ARHGEF10L: variants seen among roughly 807,000 people sequenced by gnomAD.
ARHGEF10L encodes the protein rho guanine nucleotide exchange factor 10-like protein.
Under a neutral mutation model 141.2 loss-of-function variants are expected in ARHGEF10L, and 69 were observed. The observed-to-expected ratio is 0.49, with a 90% CI of 0.40 to 0.60. ARHGEF10L has a LOEUF of 0.60. ARHGEF10L is among the 20% of genes least tolerant of loss of function. ARHGEF10L has a pLI of 0.00. For missense variants in ARHGEF10L, 1,482 were observed against 1,734.3 expected (o/e 0.85, Z 2.58); for synonymous variants, 711 against 718.5 (o/e 0.99, Z 0.17).
At chr1:17,655,309 C>T (rs2062160040) in intron 23 of ARHGEF10L, among the ~76,000 whole-genome samples, 1 of 151,658 alleles carries the variant, frequency 6.6e-6, no homozygotes, top group South Asian at 2.1e-4. Flanking sequence ...CACCCACCTA[C>T]CTATCCATTT....
chr1:17,645,918 G>A (rs2061571107), intron 21 of ARHGEF10L, among the ~76,000 whole-genome samples: 1 of 152,210 alleles, frequency 6.6e-6, no homozygotes, highest in Non-Finnish European at 1.5e-5. Context: ...GTCTGTTATG[G>A]CAACGCGCGT....
intron 1 of ARHGEF10L, among the ~76,000 whole-genome samples, chr1:17,579,002 G>A (rs1279798447): frequency 1.3e-5 from 2 of 152,116 alleles, no homozygotes; most frequent in Non-Finnish European, 2.9e-5. Context: ...GGCAACCAGG[G>A]TGGGAGGTTG....
intron 21 of ARHGEF10L, among the ~76,000 whole-genome samples, chr1:17,643,426 C>T (rs72648446): frequency 0.088 from 13,421 of 152,190 alleles, 877 homozygotes; most frequent in Non-Finnish European, 0.13. Context: ...ATGGCCACCA[C>T]CACGCCTTGT....
In ARHGEF10L at chr1:17,543,225, C is replaced by A. The variant is rs556146676; in HGVS notation, c.-44+3275C>A. On this transcript the variant is annotated intron_variant, in intron 1 of 28. Transcript: ENST00000361221. ...TGAGTTGGGAGCCAGCTCACACCTACACATAAGAGCTGATTGCTAAATTTT... is the reference window on the plus strand; with the variant it reads ...TGAGTTGGGAGCCAGCTCACACCTAAACATAAGAGCTGATTGCTAAATTTT... 2.6e-4 allele frequency among the ~76,000 whole-genome samples: 40 copies of A among 152,286 alleles called. 1 individual carries two copies. In the South Asian group the frequency reaches 8.3e-3, roughly 32 times the overall value.
At chr1:17,577,476 T>C (rs1051174780) in intron 1 of ARHGEF10L, among the ~76,000 whole-genome samples, 1 of 152,224 alleles carries the variant, frequency 6.6e-6, no homozygotes, top group Non-Finnish European at 1.5e-5. Flanking sequence ...AACTCTTTTC[T>C]AACCCCGTGA....
At chr1:17,638,534 G>C (rs1240160382) in intron 19 of ARHGEF10L, 28 bp from the exon 20 acceptor site, 3 of 1,614,034 alleles carry the variant, frequency 1.9e-6, no homozygotes, top group African/African-American at 2.7e-5. Context: ...GTGCTGTGTG[G>C]TGACCTCATT....
chr1:17,646,874 C>A (rs527883544), intron 21 of ARHGEF10L, among the ~76,000 whole-genome samples: 112 of 152,090 alleles, frequency 7.4e-4, no homozygotes, highest in African/African-American at 2.6e-3. Flanking sequence ...AGGGAAGGGA[C>A]CTTCGCAGCT....
At position 17,639,328 on chromosome 1, in the gene ARHGEF10L, C is replaced by T. The variant is rs923500559; in HGVS notation, c.2171+639C>T. ...GTCCTGATGAGGTCTGACTCTGAAG[C>T]CCAGGCCAGTGCAATGAGGGGGCTC... On this transcript the variant is annotated intron_variant, in intron 20 of 28. Transcript: ENST00000361221. The surrounding 1 kb of genome is among the most constrained non-coding windows in gnomAD (Gnocchi z 4.3). Among the ~76,000 whole-genome samples the T allele has an allele frequency of 6.6e-6, 1 of 152,342 alleles. No individual in the cohort carries two copies. The highest frequency in any genetic ancestry group is 3.4e-3 in the Middle Eastern group (1 of 294).
Position 17,623,846 on chromosome 1 carries a change from C to T in ARHGEF10L, c.1201-541C>T, listed in dbSNP as rs140796410. On this transcript the variant is annotated intron_variant, in intron 12 of 28. Coordinates refer to ENST00000361221, the MANE Select transcript of ARHGEF10L (RefSeq NM_018125.4). The surrounding 1 kb of genome is among the most constrained non-coding windows in gnomAD (Gnocchi z 4.7). ...AAAAACTTTTTTTTGAAAGCCACAG[C>T]GCTCGATAGAGTCACTGAATAGGTC... Among the ~76,000 whole-genome samples the T allele has an allele frequency of 7.4e-4, 112 of 152,292 alleles. No homozygotes were observed. The East Asian group carries it at 0.019, about 26-fold the overall frequency.
chr1:17,687,376 T>C (rs1010248857), intron 26 of ARHGEF10L, among the ~76,000 whole-genome samples, 197 bp from the exon 27 acceptor site: 1 of 152,252 alleles, frequency 6.6e-6, no homozygotes, highest in African/African-American at 2.4e-5. Context: ...TGTTAAACTT[T>C]GGCCAACACA....
At chr1:17,517,397 T>C in the ARHGEF10L span, among the ~76,000 whole-genome samples, 1 of 152,244 alleles carries the variant, frequency 6.6e-6, no homozygotes, top group Middle Eastern at 3.4e-3. Flanking sequence ...AGTGGTGCAA[T>C]CTCAGCTCAC....
chr1:17,693,391 G>A (rs191828124), intron 27 of ARHGEF10L, among the ~76,000 whole-genome samples: 135 of 152,348 alleles, frequency 8.9e-4, no homozygotes, highest in Non-Finnish European at 1.8e-3. Flanking sequence ...AAATGGATTG[G>A]TGATGGGATG....
At chr1:17,638,777 T>G (rs2061164493) in intron 20 of ARHGEF10L, 88 bp downstream of exon 20, 1 of 1,558,878 alleles carries the variant, frequency 6.4e-7, no homozygotes, top group Non-Finnish European at 8.7e-7. Flanking sequence ...CCTGGAGCCC[T>G]CTTATTTGTC....
intron 26 of ARHGEF10L, among the ~76,000 whole-genome samples, chr1:17,686,311 T>C (rs1177342628): frequency 6.6e-6 from 1 of 152,140 alleles, no homozygotes; most frequent in African/African-American, 2.4e-5. Context: ...AGAATTCAAG[T>C]GTCCATCCAT....
intron 6 of ARHGEF10L, among the ~76,000 whole-genome samples, chr1:17,605,108 C>A (rs2081051322): frequency 6.6e-6 from 1 of 152,164 alleles, no homozygotes; most frequent in East Asian, 1.9e-4. Context: ...TCACACAGGG[C>A]CACTGTTGCT....
At chr1:17,571,645 T>TGG (rs1217227833) in intron 1 of ARHGEF10L, among the ~76,000 whole-genome samples, 4 of 152,172 alleles carry the variant, frequency 2.6e-5, no homozygotes, top group African/African-American at 9.7e-5. Flanking sequence ...GTGATTCTCC[T>TGG]GCCTCAGCCT....
chr1:17,684,168 C>T (rs1227154397), intron 26 of ARHGEF10L, among the ~76,000 whole-genome samples: 1 of 152,230 alleles, frequency 6.6e-6, no homozygotes. Flanking sequence ...CCTCACTGTC[C>T]TCATCTGTGA....
At chr1:17,681,505 T>G (rs2064125308) in intron 26 of ARHGEF10L, among the ~76,000 whole-genome samples, 1 of 152,216 alleles carries the variant, frequency 6.6e-6, no homozygotes, top group Non-Finnish European at 1.5e-5. Flanking sequence ...TTTTTTGTTT[T>G]CTTCATGATA....
chr1:17,650,462 G>A (rs1428911721), intron 22 of ARHGEF10L, among the ~76,000 whole-genome samples: 1 of 151,932 alleles, frequency 6.6e-6, no homozygotes, highest in South Asian at 2.1e-4. Flanking sequence ...GCTGGGTGAG[G>A]TAGCTCACGT....
Sources: gnomAD v4.1 joint callset for allele counts (sites outside exome capture counted in the v4.1 genomes callset) on GRCh38, gnomAD v4.1.1 for gene constraint, Gnocchi (gnomAD v3.1) non-coding constraint, MANE v1.5 for transcripts, NCBI Gene and HGNC (gene_info 2026-07-23, HGNC 2026-07-21) for gene names.